The following ZMYM6 variants were observed in gnomAD, a reference collection of about 807,000 sequenced individuals.
ZMYM6 encodes the protein zinc finger MYM-type containing 6.
ZMYM6 carries 90 observed loss-of-function variants against 134.0 expected under a neutral mutation model. The ratio of observed to expected loss-of-function variants is 0.67; its 90% CI spans 0.57 to 0.80. The LOEUF (loss-of-function observed/expected upper bound fraction) is 0.80, where lower values mean the gene tolerates loss of function less well. ZMYM6 is among the 30% of genes least tolerant of loss of function. The probability of loss-of-function intolerance (pLI) is 0.00; values close to 1 mark genes in which losing one functional copy is unlikely to be tolerated. For synonymous variants in ZMYM6, 481 were observed against 524.1 expected, an observed-to-expected ratio of 0.92 and a Z score of 1.12; for missense variants, 1,362 against 1,533.9, an observed-to-expected ratio of 0.89 and a Z score of 1.87.
chr1:34,995,244 T>C (rs997623941), intron 14 of ZMYM6, among the ~76,000 whole-genome samples: 18 of 148,974 alleles, frequency 1.2e-4, no homozygotes, highest in Admixed American at 2.7e-4. Context: ...TATGTATATA[T>C]GTATATAGGG....
chr1:34,987,029 A>G lies in ZMYM6; in HGVS notation c.*75T>C. On this transcript the variant is annotated 3_prime_UTR_variant, in exon 16 of 16. Transcript: ENST00000357182. Reference sequence around the variant, plus strand: ...ACTGAAAACACAAATCCACATTAGGAAATTATCTTTTAGGATACTTATACA... The same window carrying G: ...ACTGAAAACACAAATCCACATTAGGGAATTATCTTTTAGGATACTTATACA... 1 of 1,090,896 alleles carries G rather than the reference A, an allele frequency of 9.2e-7. No individual in the cohort carries two copies. The highest frequency in any genetic ancestry group is 1.2e-6 in the Non-Finnish European group (1 of 811,978). 67.6% of individuals were successfully genotyped at this position (1,090,896 alleles called of 1,614,324 possible). A position where few individuals can be genotyped will look rare whatever the true frequency, so the allele number is the denominator to read the frequency against.
intron 15 of ZMYM6, 24 bp from the exon 16 acceptor site, chr1:34,988,959 G>T (rs1475154278): frequency 6.3e-7 from 1 of 1,591,196 alleles, no homozygotes; most frequent in Admixed American, 1.8e-5. Flanking sequence ...TTGAATCACT[G>T]TTATTTTCAA....
intron 10 of ZMYM6, among the ~76,000 whole-genome samples, chr1:35,009,464 T>C (rs574629905): frequency 1.3e-5 from 2 of 150,418 alleles, no homozygotes; most frequent in South Asian, 2.1e-4. Context: ...ATTAGAGGTA[T>C]AAAAGTTTTT....
intron 2 of ZMYM6, among the ~76,000 whole-genome samples, 180 bp from the exon 3 acceptor site, chr1:35,020,647 G>A (rs915354369): frequency 2.1e-5 from 3 of 142,194 alleles, no homozygotes; most frequent in East Asian, 2.1e-4. Flanking sequence ...ATCTCAGCTC[G>A]TTGCAACCTC....
At chr1:35,023,559 G>C (rs1178957960) in intron 2 of ZMYM6, among the ~76,000 whole-genome samples, 1 of 150,468 alleles carries the variant, frequency 6.6e-6, no homozygotes, top group Non-Finnish European at 1.5e-5. Context: ...GCAAAATGAA[G>C]AGGACATTAA....
At chr1:35,024,229 G>A (rs1180239735) in intron 2 of ZMYM6, among the ~76,000 whole-genome samples, 3 of 152,104 alleles carry the variant, frequency 2.0e-5, no homozygotes, top group Non-Finnish European at 4.4e-5. Flanking sequence ...CTGAAATAGT[G>A]CTATTTTAGA....
chr1:35,027,008 T>TA (rs1362770287), intron 2 of ZMYM6, among the ~76,000 whole-genome samples: 6 of 151,780 alleles, frequency 4.0e-5, no homozygotes, highest in Non-Finnish European at 2.9e-5. Flanking sequence ...ACTATACAAT[T>TA]AAAAAAAAGA....
At chr1:35,019,678 C>T (rs914033609) in intron 3 of ZMYM6, 76 bp from the exon 4 acceptor site, 44 of 1,379,436 alleles carry the variant, frequency 3.2e-5, no homozygotes, top group Admixed American at 5.6e-5. Context: ...CTCTCTCTCT[C>T]TTTTTTCTTT....
intron 11 of ZMYM6, among the ~76,000 whole-genome samples, chr1:35,008,231 C>T (rs931677130): frequency 8.5e-5 from 13 of 152,150 alleles, no homozygotes; most frequent in Non-Finnish European, 1.6e-4. Flanking sequence ...CAGTAATATA[C>T]TTACCTCTTG....
rs553649763 is a variant in ZMYM6, at chr1:34,995,023, G to A, written c.1993-2636C>T. 2.2e-4 allele frequency among the ~76,000 whole-genome samples: 23 copies of A among 103,606 alleles called. No individual in the cohort carries two copies. In the East Asian group the frequency reaches 5.3e-3, roughly 24 times the overall value. The allele number at this position is 103,606 out of a possible 152,430, so 68.0% of individuals were successfully genotyped here. A position where few individuals can be genotyped will look rare whatever the true frequency, so the allele number is the denominator to read the frequency against. ...TATGTATACATATATACTTACATAC[G>A]TATATATATGTAATATATATACTTA... On this transcript the variant is annotated intron_variant, in intron 14 of 15. Coordinates refer to ENST00000357182, the MANE Select transcript of ZMYM6 (RefSeq NM_007167.4).
intron 2 of ZMYM6, among the ~76,000 whole-genome samples, chr1:35,024,514 G>C (rs1341510426): frequency 6.6e-6 from 1 of 152,046 alleles, no homozygotes; most frequent in African/African-American, 2.4e-5. Context: ...TCAGTAAATG[G>C]TATCACCATA....
Position 34,987,550 on chromosome 1 carries a change from A to G in ZMYM6, c.3532T>C (p.Leu1178=). ...ATCCTTGTGATGTCTGTCATATTTA[A>G]GCCTGATGAATTTGAGAATTCAGAA... The part of the protein sequence containing the change: ...SFSEFSNSSG[L]NMTDITRIIF... Residue 1178 remains leucine (L), a synonymous_variant, in exon 16 of 16, where the codon TTA becomes CTA. Coordinates refer to ENST00000357182, the MANE Select transcript of ZMYM6 (RefSeq NM_007167.4). The G allele has an allele frequency of 6.2e-7, 1 of 1,613,986 alleles. No homozygotes were observed.
Position 35,019,617 on chromosome 1 carries a change from T to TA in ZMYM6, c.179-16dup, listed in dbSNP as rs1292415548. The TA allele has an allele frequency of 6.4e-7, 1 of 1,566,596 alleles. No homozygotes were observed. The highest frequency in any genetic ancestry group is 8.6e-7 in the Non-Finnish European group (1 of 1,164,916). ...CAACTGCTGGGCTATCAAAACAAAA[T>TA]AAAAAAAGTTTTAGTATCAATACTA... On this transcript the variant is annotated splice_polypyrimidine_tract_variant and intron_variant, in intron 3 of 15. Coordinates refer to ENST00000357182, the MANE Select transcript of ZMYM6 (RefSeq NM_007167.4).
intron 4 of ZMYM6, among the ~76,000 whole-genome samples, chr1:35,015,739 A>T (rs1219119419): frequency 7.3e-5 from 9 of 123,352 alleles, no homozygotes; most frequent in East Asian, 4.0e-4. Flanking sequence ...AAAAAAAAAA[A>T]AAAAATATAT....
At position 35,007,001 on chromosome 1, in the gene ZMYM6, A is replaced by G. The variant is rs1640991966; in HGVS notation, c.1763T>C (p.Leu588Ser). ...IKHFCNLFCV[L>S]EFCHQQIMND... is the part of the protein sequence containing the mutation. The stretch of plus-strand genomic sequence containing the variant: ...CATAATTTGCTGATGACAAAACTCC[A>G]AGACACAAAATAGGTTACAGAAATG... Residue 588 changes from leucine (L) to serine (S), a missense_variant, in exon 12 of 16, where the codon TTG (leucine) becomes TCG (serine). Physicochemically the swap from Leu to Ser is moderately radical, Grantham distance 145. This residue lies in a region of ZMYM6 where 824 missense variants were observed against 940.9 expected (regional missense o/e 0.88). Transcript: ENST00000357182. 1 of 1,612,980 alleles carries G rather than the reference A, an allele frequency of 6.2e-7. No homozygotes were observed. Among genetic ancestry groups the G allele is most frequent in the African/African-American group, 1.3e-5 (1 of 75,010 alleles).
At chr1:34,998,046 C>T (rs747521952) in intron 14 of ZMYM6, among the ~76,000 whole-genome samples, 7 of 151,948 alleles carry the variant, frequency 4.6e-5, no homozygotes, top group East Asian at 3.9e-4. Flanking sequence ...TTTGGGACAC[C>T]GAGGCAGGCG....
rs781348389 is a variant in ZMYM6, at chr1:35,015,053, G to A, written c.538C>T (p.Pro180Ser). 6.2e-7 allele frequency: 1 copy of A among 1,613,764 alleles called. No homozygotes were observed. The highest frequency in any genetic ancestry group is 1.3e-5 in the African/African-American group (1 of 74,894). ...CTTTTGGTATATATGGTAACAACAG[G>A]TTTTTTCTTTAGCTCATAAGATGAC... is the stretch of plus-strand genomic sequence containing the variant. ...CLSSYELKKK[P>S]VVTIYTKSIS... Residue 180 changes from proline to serine, a missense_variant, in exon 5 of 16, where the codon CCT becomes TCT. By Grantham distance (74) the Pro-to-Ser change is moderately conservative. This residue lies in a region of ZMYM6 where 503 missense variants were observed against 520.8 expected (regional missense o/e 0.97). Transcript: ENST00000357182.
chr1:35,004,141 C>A, intron 13 of ZMYM6, 136 bp from the exon 14 acceptor site: 2 of 699,690 alleles, frequency 2.9e-6, no homozygotes, highest in Admixed American at 3.0e-5. Flanking sequence ...TACAAGGAAA[C>A]TGCATCAGTA....
chr1:34,992,295 G>C lies in ZMYM6; in HGVS notation c.2085C>G (p.Pro695=), dbSNP rs371144527. The change falls in exon 15 of 16, where the codon CCC becomes CCG. Residue 695 remains proline, a synonymous_variant. Transcript: ENST00000357182. ...LLKNKGISCK[P]VTQTKATSCK... is the part of the protein sequence containing the mutation. Reference sequence around the variant, plus strand: ...AAGAAGTGGCCTTGGTCTGTGTGACGGGTTTGCATGATATGCCTTTGTTCT... The same window carrying C: ...AAGAAGTGGCCTTGGTCTGTGTGACCGGTTTGCATGATATGCCTTTGTTCT... 2.5e-6 allele frequency: 4 copies of C among 1,614,064 alleles called. No homozygotes were observed. Among genetic ancestry groups the C allele is most frequent in the Non-Finnish European group, 3.4e-6 (4 of 1,179,982 alleles).
Sources: gnomAD v4.1 joint callset for allele counts (sites outside exome capture counted in the v4.1 genomes callset) on GRCh38, gnomAD v4.1.1 for gene constraint, gnomAD v4.1.1 regional missense constraint, MANE v1.5 for transcripts, NCBI Gene and HGNC (gene_info 2026-07-23, HGNC 2026-07-21) for gene names.